SLC15A5: variants seen among roughly 807,000 people sequenced by gnomAD.
SLC15A5 encodes the protein solute carrier family 15 member 5, also known as Peptide/histidine transporter ENSP00000340402.
A neutral mutation model predicts 56.1 loss-of-function variants in SLC15A5; 58 were observed. That is an observed-to-expected ratio of 1.03 (90% CI 0.84 to 1.29). The LOEUF is 1.29. Ranked by LOEUF, SLC15A5 falls within the 50% of genes most tolerant of loss-of-function variation. The pLI is 0.00. For synonymous variants in SLC15A5, 264 were observed against 250.5 expected (o/e 1.05, Z -0.51); for missense variants, 681 against 672.1 (o/e 1.01, Z -0.15).
intron 3 of SLC15A5, among the ~76,000 whole-genome samples, chr12:16,255,515 A>G (rs1385036086): frequency 6.6e-6 from 1 of 152,104 alleles, no homozygotes; most frequent in Non-Finnish European, 1.5e-5. Flanking sequence ...TAGTGCCACA[A>G]CCACTATAGA....
At chr12:16,221,479 G>A (rs904839212) in intron 6 of SLC15A5, among the ~76,000 whole-genome samples, 7 of 152,200 alleles carry the variant, frequency 4.6e-5, no homozygotes, top group African/African-American at 1.7e-4. Flanking sequence ...AGGACTTGGG[G>A]TAGACAGAAA....
At chr12:16,245,076 G>A (rs777984134) in intron 3 of SLC15A5, among the ~76,000 whole-genome samples, 18 of 152,208 alleles carry the variant, frequency 1.2e-4, no homozygotes, top group Non-Finnish European at 2.4e-4. Context: ...AAAATAATAC[G>A]CCAAAGTTAA....
At chr12:16,254,787 C>T (rs1023569096) in intron 3 of SLC15A5, among the ~76,000 whole-genome samples, 9 of 151,984 alleles carry the variant, frequency 5.9e-5, no homozygotes, top group Admixed American at 6.6e-5. Flanking sequence ...CATGTGGAAG[C>T]CAGAAAAAGC....
At position 16,243,997 on chromosome 12, in the gene SLC15A5, C is replaced by T. The variant is rs552457063; in HGVS notation, c.975+583G>A. On this transcript the variant is annotated intron_variant, in intron 4 of 8. Transcript: ENST00000344941. The surrounding 1 kb of genome is among the most constrained non-coding windows in gnomAD (Gnocchi z 4.4). ...ATAAGTTAGTCTTTAACTCTAACCA[C>T]ATTAAAAAAATTTAAAATCACATAT... 6.6e-6 allele frequency among the ~76,000 whole-genome samples: 1 copy of T among 152,282 alleles called. No homozygotes were observed. Among genetic ancestry groups the T allele is most frequent in the South Asian group, 2.1e-4 (1 of 4,822 alleles).
In SLC15A5 at chr12:16,269,608, A is replaced by G. The variant is rs1198198022; in HGVS notation, c.584+2953T>C. Among the ~76,000 whole-genome samples, 11 of 152,238 alleles carry G rather than the reference A, an allele frequency of 7.2e-5. No homozygotes were observed. The highest frequency in any genetic ancestry group is 7.2e-4 in the Admixed American group (11 of 15,278). On this transcript the variant is annotated intron_variant, in intron 2 of 8. Coordinates refer to ENST00000344941, the MANE Select transcript of SLC15A5 (RefSeq NM_001170798.1). This position sits in a 1 kb window ranked among gnomAD's most constrained non-coding sequence, Gnocchi z 4.7. Reference sequence around the variant, plus strand: ...ATATTTAATTTGAGTAAGTGTTAAAATCAGAATATTTCAGATACCATGTAG... The same window carrying G: ...ATATTTAATTTGAGTAAGTGTTAAAGTCAGAATATTTCAGATACCATGTAG...
At chr12:16,200,026 A>G (rs898471976) in intron 7 of SLC15A5, among the ~76,000 whole-genome samples, 2 of 151,734 alleles carry the variant, frequency 1.3e-5, no homozygotes, top group Non-Finnish European at 2.9e-5. Context: ...ATCCACATAC[A>G]CTCTCAGTTA....
chr12:16,233,367 T>C (rs1591650193), intron 5 of SLC15A5, among the ~76,000 whole-genome samples: 1 of 152,286 alleles, frequency 6.6e-6, no homozygotes, highest in East Asian at 1.9e-4. Flanking sequence ...GAGAAATAAA[T>C]TTCTATGATT....
intron 7 of SLC15A5, among the ~76,000 whole-genome samples, chr12:16,202,788 GA>G (rs2136240479): frequency 1.3e-5 from 2 of 152,178 alleles, no homozygotes; most frequent in South Asian, 4.1e-4. Context: ...CCTTAAAAAA[GA>G]AGAAAATTCT....
Position 16,189,052 on chromosome 12 carries a change from T to C in SLC15A5, c.*616A>G, listed in dbSNP as rs1386710824. ...CCAATAATTCCATAACTTACATTTATTTTTCAACTTTTTTAGTATGCGGAC... is the reference window on the plus strand; with the variant it reads ...CCAATAATTCCATAACTTACATTTACTTTTCAACTTTTTTAGTATGCGGAC... On this transcript the variant is annotated 3_prime_UTR_variant, in exon 9 of 9. Coordinates refer to ENST00000344941, the MANE Select transcript of SLC15A5 (RefSeq NM_001170798.1). 1 of 152,194 alleles carries C rather than the reference T, an allele frequency of 6.6e-6. No individual in the cohort carries two copies. The highest frequency in any genetic ancestry group is 1.9e-4 in the East Asian group (1 of 5,192). The allele number at this position is 152,194 out of a possible 1,614,324, so 9.4% of individuals were successfully genotyped here.
chr12:16,246,403 A>T (rs1447299751), intron 3 of SLC15A5, among the ~76,000 whole-genome samples: 3 of 152,198 alleles, frequency 2.0e-5, no homozygotes, highest in African/African-American at 7.2e-5. Flanking sequence ...TTTAGGTAAG[A>T]TGAGAACAGA....
At chr12:16,240,178 A>G (rs992577302) in intron 4 of SLC15A5, among the ~76,000 whole-genome samples, 1 of 152,250 alleles carries the variant, frequency 6.6e-6, no homozygotes, top group African/African-American at 2.4e-5. Flanking sequence ...AAAAAGCCAA[A>G]TAACTTAAAT....
intron 5 of SLC15A5, among the ~76,000 whole-genome samples, chr12:16,227,491 G>C (rs1225111137): frequency 2.6e-5 from 4 of 152,168 alleles, no homozygotes; most frequent in Non-Finnish European, 5.9e-5. Context: ...CTTATTGCTA[G>C]TTGGAGAGGT....
At chr12:16,241,572 GT>G (rs1864415221) in intron 4 of SLC15A5, among the ~76,000 whole-genome samples, 2 of 152,316 alleles carry the variant, frequency 1.3e-5, no homozygotes, top group Admixed American at 1.3e-4. Context: ...AACAAGGATT[GT>G]TTTGGCTGAG....
chr12:16,214,884 T>C (rs1171975949), intron 7 of SLC15A5, among the ~76,000 whole-genome samples: 2 of 152,096 alleles, frequency 1.3e-5, no homozygotes, highest in Admixed American at 6.6e-5. Flanking sequence ...CCTAGGAATC[T>C]CCAAACTTGT....
chr12:16,255,465 GA>G (rs35589169), intron 3 of SLC15A5, among the ~76,000 whole-genome samples: 1 of 152,132 alleles, frequency 6.6e-6, no homozygotes, highest in East Asian at 1.9e-4. Context: ...AGGCTGTGGG[GA>G]AAAAGGCATT....
At chr12:16,191,844 A>G (rs1861427307) in intron 8 of SLC15A5, among the ~76,000 whole-genome samples, 1 of 152,140 alleles carries the variant, frequency 6.6e-6, no homozygotes, top group South Asian at 2.1e-4. Context: ...CAAATTTTCC[A>G]GAATCTCCTT....
intron 7 of SLC15A5, among the ~76,000 whole-genome samples, chr12:16,201,067 G>C (rs1863950466): frequency 6.6e-6 from 1 of 152,122 alleles, no homozygotes; most frequent in East Asian, 1.9e-4. Context: ...AACTCTTACG[G>C]AAATGAGATG....
chr12:16,233,890 A>G (rs918855600), intron 5 of SLC15A5, among the ~76,000 whole-genome samples: 11 of 152,246 alleles, frequency 7.2e-5, no homozygotes, highest in Non-Finnish European at 1.0e-4. Context: ...GCTCAAGCAT[A>G]TAACACTGTC....
At chr12:16,221,951 C>G (rs922597111) in intron 6 of SLC15A5, among the ~76,000 whole-genome samples, 2 of 152,074 alleles carry the variant, frequency 1.3e-5, no homozygotes, top group African/African-American at 4.8e-5. Context: ...GGTCTCCCAG[C>G]TGTTCAGGTG....
Sources: allele counts gnomAD v4.1 joint callset (sites outside exome capture counted in the v4.1 genomes callset), GRCh38; gene constraint gnomAD v4.1.1; non-coding constraint Gnocchi (gnomAD v3.1); transcripts MANE v1.5; gene names NCBI Gene and HGNC (gene_info 2026-07-23, HGNC 2026-07-21).